The following LINGO2 variants were observed in gnomAD, a reference collection of about 807,000 sequenced individuals.
LINGO2 encodes the protein leucine-rich repeat and immunoglobulin-like domain-containing nogo receptor-interacting protein 2.
Under a neutral mutation model 30.6 loss-of-function variants are expected in LINGO2, and 14 were observed. That is an observed-to-expected ratio of 0.46 (90% CI 0.30 to 0.72). The LOEUF (loss-of-function observed/expected upper bound fraction) is 0.72. LINGO2 is among the 30% of genes least tolerant of loss of function. The probability of loss-of-function intolerance (pLI) is 0.07; values close to 1 mark genes in which losing one functional copy is unlikely to be tolerated. For synonymous variants in LINGO2, 317 were observed against 288.5 expected (o/e 1.10, Z -1.00); for missense variants, 729 against 751.7 (o/e 0.97, Z 0.35).
the LINGO2 span, among the ~76,000 whole-genome samples, chr9:28,723,888 A>G: frequency 6.6e-6 from 1 of 152,196 alleles, no homozygotes; most frequent in African/African-American, 2.4e-5. Flanking sequence ...ATAAGACAAA[A>G]GAATTAGCTT....
intron 2 of LINGO2, among the ~76,000 whole-genome samples, chr9:28,466,791 TTAACTC>T (rs1825321969): frequency 6.6e-6 from 1 of 152,210 alleles, no homozygotes; most frequent in Non-Finnish European, 1.5e-5. Flanking sequence ...AAGTGTGACT[TTAACTC>T]AAAGTGTTTT....
At chr9:28,657,969 AT>A (rs1259538418) in intron 1 of LINGO2, among the ~76,000 whole-genome samples, 1 of 151,642 alleles carries the variant, frequency 6.6e-6, no homozygotes, top group Non-Finnish European at 1.5e-5. Context: ...CTCTTGAGAT[AT>A]TTTTTCCAAT....
intron 5 of LINGO2, among the ~76,000 whole-genome samples, chr9:28,003,358 G>T (rs1857338): frequency 0.014 from 1,884 of 131,616 alleles, 37 homozygotes; most frequent in African/African-American, 0.055. Flanking sequence ...TAGATAGATA[G>T]ATAGATAGAT....
intron 4 of LINGO2, among the ~76,000 whole-genome samples, chr9:28,055,156 T>G (rs2133087620): frequency 6.6e-6 from 1 of 152,316 alleles, no homozygotes; most frequent in Non-Finnish European, 1.5e-5. Flanking sequence ...TTGTTTTCCT[T>G]GTGGTTTATC....
intron 5 of LINGO2, among the ~76,000 whole-genome samples, chr9:27,988,724 G>A (rs1821247188): frequency 6.6e-6 from 1 of 151,396 alleles, no homozygotes. Flanking sequence ...TTTATAACTG[G>A]CATCACTGTT....
intron 4 of LINGO2, among the ~76,000 whole-genome samples, chr9:28,044,442 T>TGTAA (rs1270894540): frequency 6.6e-6 from 1 of 152,194 alleles, no homozygotes; most frequent in Non-Finnish European, 1.5e-5. Flanking sequence ...ATGGATCAGC[T>TGTAA]GTAAGTCTCA....
At chr9:28,814,464 C>G in the LINGO2 span, among the ~76,000 whole-genome samples, 1 of 152,120 alleles carries the variant, frequency 6.6e-6, no homozygotes. Context: ...AATAAGACTT[C>G]TGATGCCATG....
At chr9:28,810,763 A>G in the LINGO2 span, among the ~76,000 whole-genome samples, 1 of 152,136 alleles carries the variant, frequency 6.6e-6, no homozygotes, top group Non-Finnish European at 1.5e-5. Flanking sequence ...GTAGTATACA[A>G]AACAGTTGAA....
At chr9:28,908,710 A>T in the LINGO2 span, among the ~76,000 whole-genome samples, 4 of 152,020 alleles carry the variant, frequency 2.6e-5, 1 homozygote, top group South Asian at 8.3e-4. Context: ...GATGCACAAG[A>T]AAAGGTTTTT....
At chr9:28,509,963 T>A (rs1820304904) in intron 1 of LINGO2, among the ~76,000 whole-genome samples, 1 of 152,220 alleles carries the variant, frequency 6.6e-6, no homozygotes. Flanking sequence ...ATTGCAATAA[T>A]TCGTAATGAT....
chr9:28,972,627 T>G, the LINGO2 span, among the ~76,000 whole-genome samples: 1 of 152,158 alleles, frequency 6.6e-6, no homozygotes, highest in East Asian at 1.9e-4. Context: ...AAGAGACGTA[T>G]TAGTCTGTTC....
At chr9:28,617,130 T>C (rs1019735499) in intron 1 of LINGO2, among the ~76,000 whole-genome samples, 1 of 152,134 alleles carries the variant, frequency 6.6e-6, no homozygotes, top group African/African-American at 2.4e-5. Flanking sequence ...AATGGAGTTA[T>C]AGGATTTAGC....
intron 1 of LINGO2, among the ~76,000 whole-genome samples, chr9:28,531,709 T>C (rs1486379578): frequency 1.3e-5 from 2 of 152,170 alleles, no homozygotes; most frequent in South Asian, 4.1e-4. Flanking sequence ...TCACTTTATT[T>C]GTATTAACAT....
At position 28,281,178 on chromosome 9, in the gene LINGO2, T is replaced by TA. The variant is rs1564093340; in HGVS notation, c.-87+14029dup. 2.0e-5 allele frequency among the ~76,000 whole-genome samples: 3 copies of TA among 152,230 alleles called. No individual in the cohort carries two copies. In the South Asian group the frequency reaches 6.2e-4, roughly 32 times the overall value. ...AGACAGGGTGAAATGTGTAGACCCC[T>TA]AAAGCACACTGTAAATGTCGCTCTC... On this transcript the variant is annotated intron_variant, in intron 4 of 5. Transcript: ENST00000379992.
chr9:28,859,771 AC>A, the LINGO2 span, among the ~76,000 whole-genome samples: 2 of 152,138 alleles, frequency 1.3e-5, no homozygotes, highest in Middle Eastern at 6.8e-3. Flanking sequence ...AATTTTATTC[AC>A]TTATTCAGCA....
chr9:27,945,908 C>T (rs902665432), downstream of LINGO2, among the ~76,000 whole-genome samples: 3 of 152,076 alleles, frequency 2.0e-5, no homozygotes, highest in Non-Finnish European at 4.4e-5. Flanking sequence ...TAGCCAATTC[C>T]CCTGAAAATA....
chr9:28,940,193 T>C, the LINGO2 span, among the ~76,000 whole-genome samples: 1 of 152,152 alleles, frequency 6.6e-6, no homozygotes, highest in Non-Finnish European at 1.5e-5. Context: ...TCTTCTCCTC[T>C]TAGACATGCA....
intron 2 of LINGO2, among the ~76,000 whole-genome samples, chr9:28,449,165 A>C (rs576403523): frequency 1.3e-5 from 2 of 152,018 alleles, no homozygotes; most frequent in East Asian, 3.9e-4. Flanking sequence ...GAATCAAGGC[A>C]TCACGCCACA....
intron 1 of LINGO2, among the ~76,000 whole-genome samples, chr9:28,653,511 C>G (rs916778290): frequency 1.3e-5 from 2 of 152,106 alleles, no homozygotes; most frequent in Non-Finnish European, 2.9e-5. Context: ...ATACACATCT[C>G]CATCACAGGA....
Sources: allele counts gnomAD v4.1 joint callset (sites outside exome capture counted in the v4.1 genomes callset), GRCh38; gene constraint gnomAD v4.1.1; transcripts MANE v1.5; gene names NCBI Gene and HGNC (gene_info 2026-07-23, HGNC 2026-07-21).